NLRP4: variants seen among roughly 807,000 people sequenced by gnomAD.
The protein encoded by NLRP4 is NLR family pyrin domain containing 4.
Under a neutral mutation model 84.7 loss-of-function variants are expected in NLRP4, and 44 were observed. The observed-to-expected ratio is 0.52, with a 90% CI of 0.41 to 0.67. The LOEUF is 0.67. Among genes scored for constraint, NLRP4 ranks in the 30% least tolerant of loss-of-function variants. NLRP4 has a pLI of 0.00. For missense variants in NLRP4, 1,260 were observed against 1,219.4 expected (o/e 1.03, Z -0.50); for synonymous variants, 544 against 476.4 (o/e 1.14, Z -1.85).
intron 2 of NLRP4, among the ~76,000 whole-genome samples, chr19:55,853,923 T>TTCTCTCTC (rs1411849802): frequency 6.7e-6 from 1 of 149,854 alleles, no homozygotes; most frequent in African/African-American, 2.5e-5. Context: ...TTCTTTCTCT[T>TTCTCTCTC]TCTCTTTCTC....
At chr19:55,837,885 A>T (rs1485926786) in intron 1 of NLRP4, among the ~76,000 whole-genome samples, 1 of 151,980 alleles carries the variant, frequency 6.6e-6, no homozygotes, top group Non-Finnish European at 1.5e-5. Flanking sequence ...AAAATACAAA[A>T]ATCAGCTGGG....
At chr19:55,851,087 G>T (rs866318238) in intron 1 of NLRP4, among the ~76,000 whole-genome samples, 272 of 112,680 alleles carry the variant, frequency 2.4e-3, no homozygotes, top group Middle Eastern at 5.4e-3. Flanking sequence ...GCGGTGTAAT[G>T]TCCGTGGCTG....
rs142568700 is a variant in NLRP4 at position 55,870,974 on chromosome 19, G to A, written c.2502G>A (p.Pro834=). ...LKTLCEALKH[P]DCCLDSLCLV... ...CTCTCTGCGAGGCCTTGAAACATCC[G>A]GACTGCTGCCTGGATTCACTGTGGT... Residue 834 remains proline (P), a synonymous_variant, in exon 7 of 10, where the codon CCG becomes CCA. Coordinates refer to ENST00000301295, the MANE Select transcript of NLRP4 (RefSeq NM_134444.5). 436 of 1,614,082 alleles carry A rather than the reference G, an allele frequency of 2.7e-4. 2 individuals are homozygous for A. In the African/African-American group the frequency reaches 4.2e-3, roughly 16 times the overall value.
Position 55,870,930 on chromosome 19 carries a change from A to T in NLRP4, c.2458A>T (p.Lys820Ter). The change falls in exon 7 of 10, where the codon AAG (lysine) becomes TAG (stop). Residue 820 changes from lysine (K) to a stop codon, truncating the protein, a stop_gained. Transcript: ENST00000301295. LOFTEE classifies it high-confidence loss of function. ...TCTAGACCTCAGTGCCAATGTCCTG[A>T]AGGACGAAGGACTGAAAACTCTCTG... ...RYLDLSANVL[K>*]DEGLKTLCEA... The T allele has an allele frequency of 6.2e-7, 1 of 1,614,084 alleles. No individual in the cohort carries two copies. Among genetic ancestry groups the T allele is most frequent in the Non-Finnish European group, 8.5e-7 (1 of 1,179,940 alleles).
chr19:55,841,644 C>T (rs1600217530), intron 1 of NLRP4, among the ~76,000 whole-genome samples: 2 of 152,036 alleles, frequency 1.3e-5, no homozygotes, highest in East Asian at 1.9e-4. Context: ...AGGCAGATCA[C>T]GAGGTCAGGA....
In NLRP4 at chr19:55,881,563, C is replaced by G; in HGVS notation, c.2961C>G (p.Asp987Glu). ...ACCTGACCATCACAGACGACTGTGA[C>G]ACAATCACAAGGGTAGAGATCTGAT... Reference protein sequence around the residue: ...NPNLTITDDCDTITRVEI With the variant: ...NPNLTITDDCETITRVEI Residue 987 changes from aspartate (D) to glutamate (E), a missense_variant, in exon 10 of 10, where the codon GAC becomes GAG. By Grantham distance (45) the Asp-to-Glu change is conservative (BLOSUM62 2). Around this residue, in one of 3 missense-constraint regions of NLRP4, gnomAD observed 544 missense variants for 531.7 expected, o/e 1.02. Transcript: ENST00000301295. 6.3e-7 allele frequency: 1 copy of G among 1,581,272 alleles called. No homozygotes were observed. Among genetic ancestry groups the G allele is most frequent in the Non-Finnish European group, 8.7e-7 (1 of 1,150,230 alleles).
chr19:55,867,243 G>A (rs1984991581), intron 5 of NLRP4, among the ~76,000 whole-genome samples: 1 of 145,916 alleles, frequency 6.9e-6, no homozygotes, highest in Non-Finnish European at 1.5e-5. Context: ...AGTCAAGCAT[G>A]CATATAACAG....
chr19:55,871,582 A>C (rs564376745), intron 7 of NLRP4, among the ~76,000 whole-genome samples: 2 of 152,318 alleles, frequency 1.3e-5, no homozygotes, highest in African/African-American at 4.8e-5. Context: ...ACATGTTGTT[A>C]TGTATTTTCC....
chr19:55,870,676 G>A (rs948979440), intron 6 of NLRP4, 151 bp from the exon 7 acceptor site: 1 of 589,104 alleles, frequency 1.7e-6, no homozygotes, highest in Non-Finnish European at 3.0e-6. Context: ...AAGAATAAAT[G>A]AGAGGAGGTG....
Position 55,850,050 on chromosome 19 carries a change from C to T in NLRP4, c.-65-1966C>T, listed in dbSNP as rs556055597. ...ATTTCCGAGACTGCGGTGTGATTTCCGTAGCTGCGGTGGAATTTCCGAGAC... is the reference window on the plus strand; with the variant it reads ...ATTTCCGAGACTGCGGTGTGATTTCTGTAGCTGCGGTGGAATTTCCGAGAC... On this transcript the variant is annotated intron_variant, in intron 1 of 9. Transcript: ENST00000301295. Among the ~76,000 whole-genome samples, 44 of 139,234 alleles carry T rather than the reference C, an allele frequency of 3.2e-4. 9 individuals are homozygous for T. Among genetic ancestry groups the T allele is most frequent in the African/African-American group, 1.2e-3 (42 of 33,648 alleles). 91.3% of individuals were successfully genotyped at this position (139,234 alleles called of 152,430 possible). A position where few individuals can be genotyped will look rare whatever the true frequency, so the allele number is the denominator to read the frequency against.
intron 7 of NLRP4, 86 bp from the exon 8 acceptor site, chr19:55,876,892 CTATCCACATGAATGACAA>C: frequency 1.2e-6 from 1 of 852,622 alleles, no homozygotes; most frequent in Non-Finnish European, 1.9e-6. Flanking sequence ...CTGACGGTGC[CTATCCACATGAATGACAA>C]AGGCTGTCGT....
chr19:55,850,786 T>TG (rs1413495680), intron 1 of NLRP4, among the ~76,000 whole-genome samples: 80 of 128,972 alleles, frequency 6.2e-4, no homozygotes, highest in Non-Finnish European at 1.0e-3. Flanking sequence ...TGCGGTGTAA[T>TG]TCCCGAGGCT....
intron 1 of NLRP4, among the ~76,000 whole-genome samples, chr19:55,843,664 C>T (rs942948697): frequency 2.6e-5 from 4 of 151,882 alleles, no homozygotes; most frequent in Non-Finnish European, 4.4e-5. Context: ...TGCACTCCAG[C>T]CTGGGCAACA....
At chr19:55,854,494 C>T (rs1379471834) in intron 2 of NLRP4, among the ~76,000 whole-genome samples, 1 of 152,002 alleles carries the variant, frequency 6.6e-6, no homozygotes. Flanking sequence ...TTTTGAGTGC[C>T]AGATTTTGAA....
chr19:55,877,251 C>G, intron 8 of NLRP4, 85 bp downstream of exon 8: 2 of 1,248,364 alleles, frequency 1.6e-6, no homozygotes, highest in South Asian at 1.3e-5. Flanking sequence ...ATGAAAACTC[C>G]AACAGGACCA....
intron 2 of NLRP4, 124 bp from the exon 3 acceptor site, chr19:55,857,550 A>C (rs1600229264): frequency 1.3e-6 from 1 of 754,554 alleles, no homozygotes; most frequent in East Asian, 2.5e-5. Context: ...GAGACTGACC[A>C]GGTTTGGCCT....
At chr19:55,847,280 G>T (rs1983834659) in intron 1 of NLRP4, among the ~76,000 whole-genome samples, 1 of 152,022 alleles carries the variant, frequency 6.6e-6, no homozygotes, top group Non-Finnish European at 1.5e-5. Flanking sequence ...TTGCCCTTAA[G>T]ACAAAGAAGA....
At chr19:55,850,238 C>T (rs1476246752) in intron 1 of NLRP4, among the ~76,000 whole-genome samples, 2 of 139,070 alleles carry the variant, frequency 1.4e-5, no homozygotes, top group Non-Finnish European at 3.1e-5. Flanking sequence ...TCCGTGGCTG[C>T]GGTGTAATTT....
Position 55,857,935 on chromosome 19 carries a change from G to C in NLRP4, c.542G>C (p.Arg181Thr), listed in dbSNP as rs547803149. The stretch of plus-strand genomic sequence containing the variant: ...TCGGACAACAAGATCTTTCGGGATA[G>C]GTTCCTGTACACGTTCTATTTCTGC... The part of the protein sequence containing the change: ...AWSDNKIFRD[R>T]FLYTFYFCCR... Residue 181 changes from arginine (R) to threonine (T), a missense_variant, in exon 3 of 10, where the codon AGG becomes ACG. Arg to Thr is a moderately conservative substitution (Grantham distance 71). Coordinates refer to ENST00000301295, the MANE Select transcript of NLRP4 (RefSeq NM_134444.5). The C allele has an allele frequency of 3.6e-5, 58 of 1,614,168 alleles. No individual in the cohort carries two copies. The South Asian group carries it at 6.3e-4, about 17-fold the overall frequency.
Sources: gnomAD v4.1 joint callset for allele counts (sites outside exome capture counted in the v4.1 genomes callset) on GRCh38, gnomAD v4.1.1 for gene constraint, gnomAD v4.1.1 regional missense constraint, MANE v1.5 for transcripts, NCBI Gene and HGNC (gene_info 2026-07-23, HGNC 2026-07-21) for gene names.